ZFHX3: variants seen among roughly 807,000 people sequenced by gnomAD.
ZFHX3 encodes zinc finger homeobox protein 3.
ZFHX3 carries 42 observed loss-of-function variants against 279.1 expected under a neutral mutation model. The observed-to-expected ratio is 0.15, with a 90% CI of 0.12 to 0.19. The LOEUF is 0.19. Among genes scored for constraint, ZFHX3 ranks in the 10% least tolerant of loss-of-function variants. The pLI, the probability that ZFHX3 is intolerant of heterozygous loss-of-function variation, is 1.00. For missense variants in ZFHX3, 4,981 were observed against 4,754.0 expected, an observed-to-expected ratio of 1.05 and a Z score of -1.40; for synonymous variants, 2,293 against 1,957.8, an observed-to-expected ratio of 1.17 and a Z score of -4.52.
chr16:72,849,515 G>A (rs2037559868), intron 4 of ZFHX3, among the ~76,000 whole-genome samples: 2 of 152,092 alleles, frequency 1.3e-5, no homozygotes, highest in African/African-American at 4.8e-5. Context: ...CCCATGCCCT[G>A]CCCACTTTCC....
At chr16:72,909,292 G>A (rs559154812) in intron 3 of ZFHX3, among the ~76,000 whole-genome samples, 12 of 152,210 alleles carry the variant, frequency 7.9e-5, no homozygotes, top group African/African-American at 1.7e-4. Flanking sequence ...TTTAAGGCCC[G>A]TACCATCTCT....
chr16:73,759,249 G>C lies in ZFHX3; in HGVS notation c.-1607-79009C>G, dbSNP rs565988678. 3.3e-5 allele frequency among the ~76,000 whole-genome samples: 5 copies of C among 152,056 alleles called. No homozygotes were observed. The South Asian group carries it at 1.0e-3, about 32-fold the overall frequency. On this transcript the variant is annotated intron_variant, in intron 1 of 17. Transcript: ENST00000641206. ...CTTGATGCTTTGCCGTCTTTAACAC[G>C]TGACTCCCATCACATGAGCCAAAGT...
chr16:73,492,796 GT>G (rs1436241594), intron 2 of ZFHX3, among the ~76,000 whole-genome samples: 1 of 152,284 alleles, frequency 6.6e-6, no homozygotes, highest in East Asian at 1.9e-4. Context: ...TAAGGATTAA[GT>G]TTTCATTCCC....
rs770388402 is a variant in ZFHX3, at chr16:72,950,780, G to A, written c.2905C>T (p.Arg969Cys). 1.9e-6 allele frequency: 3 copies of A among 1,614,206 alleles called. No individual in the cohort carries two copies. Among genetic ancestry groups the A allele is most frequent in the Non-Finnish European group, 2.5e-6 (3 of 1,180,046 alleles). ...DMLGLHMNVE[R>C]SLSEDEWKAV... ...TTCCACTCGTCCTCCGACAGGCTGCGCTCCACGTTCATGTGCAGGCCCAGC... is the reference window on the plus strand; with the variant it reads ...TTCCACTCGTCCTCCGACAGGCTGCACTCCACGTTCATGTGCAGGCCCAGC... Residue 969 changes from arginine to cysteine, a missense_variant, in exon 3 of 10, where the codon CGC becomes TGC. Around this residue, in one of 7 missense-constraint regions of ZFHX3, gnomAD observed 1,751 missense variants for 1,770.0 expected, o/e 0.99. Coordinates refer to ENST00000268489, the MANE Select transcript of ZFHX3 (RefSeq NM_006885.4).
intron 4 of ZFHX3, among the ~76,000 whole-genome samples, chr16:73,302,304 T>A (rs1201298391): frequency 6.6e-6 from 1 of 151,422 alleles, no homozygotes; most frequent in Non-Finnish European, 1.5e-5. Flanking sequence ...TCTCTCTCCC[T>A]CTCATTTAAA....
intron 1 of ZFHX3, among the ~76,000 whole-genome samples, chr16:72,974,314 T>C (rs980390396): frequency 1.3e-5 from 2 of 152,208 alleles, no homozygotes; most frequent in African/African-American, 2.4e-5. Context: ...CTCGCAATGA[T>C]TCCGCCAAAT....
At chr16:73,298,019 TA>T (rs79958273) in intron 4 of ZFHX3, among the ~76,000 whole-genome samples, 4 of 150,626 alleles carry the variant, frequency 2.7e-5, no homozygotes, top group Admixed American at 6.6e-5. Flanking sequence ...ACCCTGTCTC[TA>T]AAAAAAATAA....
At chr16:73,037,062 A>G (rs956538923) in intron 1 of ZFHX3, among the ~76,000 whole-genome samples, 5 of 152,134 alleles carry the variant, frequency 3.3e-5, no homozygotes, top group Non-Finnish European at 5.9e-5. Flanking sequence ...CCCATCAACT[A>G]TACCTTGTCA....
chr16:72,851,087 G>T (rs1184186407), intron 4 of ZFHX3, among the ~76,000 whole-genome samples: 2 of 152,126 alleles, frequency 1.3e-5, no homozygotes, highest in Non-Finnish European at 2.9e-5. Flanking sequence ...CTTATAAATA[G>T]AAAGTGCCAT....
intron 5 of ZFHX3, among the ~76,000 whole-genome samples, chr16:73,158,361 A>T (rs1420646889): frequency 6.6e-6 from 1 of 152,176 alleles, no homozygotes; most frequent in Non-Finnish European, 1.5e-5. Flanking sequence ...CTGCCAGTGC[A>T]AAGTAATAAA....
chr16:72,922,237 T>C (rs2039603743), intron 3 of ZFHX3, among the ~76,000 whole-genome samples: 1 of 152,086 alleles, frequency 6.6e-6, no homozygotes, highest in Non-Finnish European at 1.5e-5. Context: ...TGCACCCAAT[T>C]CCTCCTTGCA....
At chr16:73,258,273 G>A (rs952941082) in intron 4 of ZFHX3, among the ~76,000 whole-genome samples, 2 of 151,728 alleles carry the variant, frequency 1.3e-5, no homozygotes, top group Non-Finnish European at 2.9e-5. Context: ...CATTGGAAAA[G>A]ATTTGAGCCC....
chr16:73,515,289 C>T (rs989455148), intron 2 of ZFHX3, among the ~76,000 whole-genome samples: 1 of 152,200 alleles, frequency 6.6e-6, no homozygotes, highest in Non-Finnish European at 1.5e-5. Flanking sequence ...ATGTGCAAGA[C>T]ACACCACCTT....
At chr16:73,439,016 G>A (rs748510727) in intron 3 of ZFHX3, among the ~76,000 whole-genome samples, 52 of 152,298 alleles carry the variant, frequency 3.4e-4, no homozygotes, top group Non-Finnish European at 6.3e-4. Context: ...ATGGAGATTT[G>A]GACAAGAGCA....
At chr16:73,521,649 G>A (rs1042596584) in intron 2 of ZFHX3, among the ~76,000 whole-genome samples, 4 of 151,174 alleles carry the variant, frequency 2.6e-5, no homozygotes, top group African/African-American at 9.7e-5. Flanking sequence ...GTGGAAATCT[G>A]GGAAAACTCC....
chr16:73,089,623 C>A (rs540680273), intron 8 of ZFHX3, among the ~76,000 whole-genome samples: 2 of 152,298 alleles, frequency 1.3e-5, no homozygotes, highest in African/African-American at 4.8e-5. Flanking sequence ...TGAATCAGGG[C>A]AGGTCTCTGA....
At chr16:73,139,558 T>C (rs1966840983) in intron 6 of ZFHX3, among the ~76,000 whole-genome samples, 1 of 152,256 alleles carries the variant, frequency 6.6e-6, no homozygotes, top group South Asian at 2.1e-4. Flanking sequence ...GTTAATGGTA[T>C]GTGAGTCATT....
Position 72,950,715 on chromosome 16 carries a change from G to A in ZFHX3, c.2970C>T (p.Arg990=). 1 of 1,614,220 alleles carries A rather than the reference G, an allele frequency of 6.2e-7. No homozygotes were observed. Residue 990 remains arginine (R), a synonymous_variant, in exon 3 of 10, where the codon CGC becomes CGT. Transcript: ENST00000268489. ...MGDSYQCKLC[R]YNTQLKANFQ... ...AGTTGGCCTTGAGCTGGGTGTTGTA[G>A]CGGCAGAGCTTGCACTGGTATGAGT... is the stretch of plus-strand genomic sequence containing the variant.
At chr16:73,401,697 A>C (rs1262349512) in intron 3 of ZFHX3, 1 of 152,162 alleles carries the variant, frequency 6.6e-6, no homozygotes, top group Non-Finnish European at 1.5e-5. Flanking sequence ...AAAACTGGAA[A>C]GTGTACTAAA....
Sources: gnomAD v4.1 joint callset for allele counts (sites outside exome capture counted in the v4.1 genomes callset) on GRCh38, gnomAD v4.1.1 for gene constraint, gnomAD v4.1.1 regional missense constraint, MANE v1.5 for transcripts, NCBI Gene and HGNC (gene_info 2026-07-23, HGNC 2026-07-21) for gene names.